CDH20: variants seen among roughly 807,000 people sequenced by gnomAD.
CDH20 encodes cadherin-20.
Under a neutral mutation model 74.2 loss-of-function variants are expected in CDH20, and 29 were observed. The observed-to-expected ratio is 0.39, with a 90% CI of 0.29 to 0.53. The LOEUF (loss-of-function observed/expected upper bound fraction) is 0.53. CDH20 is among the 20% of genes least tolerant of loss of function. CDH20 has a pLI of 0.69. For missense variants in CDH20, 988 were observed against 1,048.3 expected, an observed-to-expected ratio of 0.94 and a Z score of 0.79; for synonymous variants, 469 against 405.4, an observed-to-expected ratio of 1.16 and a Z score of -1.88.
chr18:61,427,273 G>A (rs1178972254), intron 1 of CDH20, among the ~76,000 whole-genome samples: 2 of 152,110 alleles, frequency 1.3e-5, no homozygotes, highest in Non-Finnish European at 2.9e-5. Flanking sequence ...TGTTTTAAAT[G>A]TTTCAACCCA....
chr18:61,517,559 A>T (rs1316012627), intron 6 of CDH20, among the ~76,000 whole-genome samples: 2 of 152,148 alleles, frequency 1.3e-5, no homozygotes, highest in East Asian at 3.9e-4. Flanking sequence ...TCTGGCCCAG[A>T]TATTACGCTT....
chr18:61,528,483 C>T (rs929012143), intron 7 of CDH20, among the ~76,000 whole-genome samples: 3 of 77,598 alleles, frequency 3.9e-5, no homozygotes, highest in African/African-American at 1.5e-4. Context: ...ACACACACAC[C>T]CCTTAGTTCT....
chr18:61,340,428 A>G (rs2144089378), intron 1 of CDH20, among the ~76,000 whole-genome samples: 1 of 152,216 alleles, frequency 6.6e-6, no homozygotes, highest in East Asian at 1.9e-4. Flanking sequence ...GGTTGTGGGC[A>G]AAATAGCATG....
intron 1 of CDH20, among the ~76,000 whole-genome samples, 185 bp downstream of exon 1, chr18:61,334,012 T>C (rs1909662708): frequency 6.6e-6 from 1 of 151,972 alleles, no homozygotes; most frequent in East Asian, 2.0e-4. Flanking sequence ...TCCTCGGACT[T>C]AGTGGGAGAA....
At chr18:61,545,492 C>T (rs1442147210) in intron 10 of CDH20, among the ~76,000 whole-genome samples, 3 of 152,018 alleles carry the variant, frequency 2.0e-5, no homozygotes, top group South Asian at 2.1e-4. Flanking sequence ...GTCAGTAAGT[C>T]GGCAGATGTT....
rs143742182 is a variant in CDH20 at position 61,543,611 on chromosome 18, A to T, written c.1531-1416A>T. ...AGTGAGTCCAAGAGGAAGCCACCTG[A>T]CCTCCTGCTCTCCCCACTCCAGAGT... On this transcript the variant is annotated intron_variant, in intron 9 of 11. Coordinates refer to ENST00000262717, the MANE Select transcript of CDH20 (RefSeq NM_031891.4). 1.3e-3 allele frequency among the ~76,000 whole-genome samples: 192 copies of T among 152,122 alleles called. 2 individuals carry two copies. In the East Asian group the frequency reaches 0.036, roughly 28 times the overall value.
chr18:61,388,159 A>G (rs1354829849), intron 1 of CDH20, among the ~76,000 whole-genome samples: 1 of 152,212 alleles, frequency 6.6e-6, no homozygotes, highest in African/African-American at 2.4e-5. Flanking sequence ...CATGAGGATG[A>G]GTGAGCTAAA....
chr18:61,423,697 C>T lies in CDH20; in HGVS notation c.-152-66705C>T, dbSNP rs555763980. Among the ~76,000 whole-genome samples the T allele has an allele frequency of 2.0e-5, 3 of 152,148 alleles. No individual in the cohort carries two copies. In the South Asian group the frequency reaches 6.2e-4, roughly 32 times the overall value. ...TTCCTGCTTCTCTCCAGCCTTCACC[C>T]CATAAAAAAATTGCTAAATTCAAAG... is the stretch of plus-strand genomic sequence containing the variant. On this transcript the variant is annotated intron_variant, in intron 1 of 11. Coordinates refer to ENST00000262717, the MANE Select transcript of CDH20 (RefSeq NM_031891.4).
At chr18:61,347,539 CAAAA>C (rs944774674) in intron 1 of CDH20, among the ~76,000 whole-genome samples, 35 of 146,244 alleles carry the variant, frequency 2.4e-4, no homozygotes, top group African/African-American at 6.8e-4. Flanking sequence ...AACAAACAAA[CAAAA>C]AAAAAACCAC....
chr18:61,389,417 T>C (rs1911700107), intron 1 of CDH20, among the ~76,000 whole-genome samples: 2 of 152,066 alleles, frequency 1.3e-5, no homozygotes, highest in Admixed American at 1.3e-4. Context: ...TATTACATAC[T>C]GACATGGAAG....
At chr18:61,466,509 C>T (rs1337887601) in intron 1 of CDH20, among the ~76,000 whole-genome samples, 2 of 152,268 alleles carry the variant, frequency 1.3e-5, no homozygotes, top group South Asian at 2.1e-4. Flanking sequence ...CGTCTTGTTA[C>T]GACTTTACCT....
At chr18:61,464,957 A>G (rs1308390939) in intron 1 of CDH20, among the ~76,000 whole-genome samples, 1 of 152,232 alleles carries the variant, frequency 6.6e-6, no homozygotes, top group Non-Finnish European at 1.5e-5. Flanking sequence ...AATCCTCAAC[A>G]GGGTCTGTCA....
At chr18:61,487,834 G>A (rs1314623679) in intron 1 of CDH20, among the ~76,000 whole-genome samples, 1 of 152,120 alleles carries the variant, frequency 6.6e-6, no homozygotes, top group Non-Finnish European at 1.5e-5. Flanking sequence ...CACATGCCTA[G>A]TTAGAAATGG....
intron 2 of CDH20, among the ~76,000 whole-genome samples, chr18:61,495,530 G>A (rs1911106273): frequency 6.6e-6 from 1 of 152,160 alleles, no homozygotes; most frequent in Non-Finnish European, 1.5e-5. Context: ...CAGGAGGAGG[G>A]AGGAGTGACT....
At chr18:61,373,767 C>G (rs1186957927) in intron 1 of CDH20, among the ~76,000 whole-genome samples, 4 of 152,248 alleles carry the variant, frequency 2.6e-5, no homozygotes, top group African/African-American at 7.2e-5. Flanking sequence ...CAACTGAGAC[C>G]CCACCAGATG....
intron 1 of CDH20, among the ~76,000 whole-genome samples, chr18:61,434,232 T>C (rs138605225): frequency 6.6e-6 from 1 of 152,236 alleles, no homozygotes; most frequent in Non-Finnish European, 1.5e-5. Context: ...CCATTTCATC[T>C]ATTAGAAGAA....
intron 1 of CDH20, among the ~76,000 whole-genome samples, chr18:61,426,575 G>T (rs1913078207): frequency 6.6e-6 from 1 of 152,116 alleles, no homozygotes; most frequent in South Asian, 2.1e-4. Flanking sequence ...AGTTAAATCG[G>T]TTCCTTTGCA....
At chr18:61,540,737 T>C (rs1359305635) in intron 9 of CDH20, among the ~76,000 whole-genome samples, 2 of 152,186 alleles carry the variant, frequency 1.3e-5, no homozygotes, top group Non-Finnish European at 2.9e-5. Flanking sequence ...CTGGGAGTAG[T>C]ACCTCCAGCA....
chr18:61,539,090 C>A lies in CDH20; in HGVS notation c.1475C>A (p.Pro492Gln). ...GTCTTAGATGTGAATGACAATGCTCCAGAGTTCCCCAGATTCTATGAAGCT... is the reference window on the plus strand; with the variant it reads ...GTCTTAGATGTGAATGACAATGCTCAAGAGTTCCCCAGATTCTATGAAGCT... ...IKVLDVNDNA[P>Q]EFPRFYEAFV... is the part of the protein sequence containing the mutation. Residue 492 changes from proline (P) to glutamine (Q), a missense_variant, in exon 9 of 12, where the codon CCA becomes CAA. Transcript: ENST00000262717. 6.2e-7 allele frequency: 1 copy of A among 1,614,014 alleles called. No homozygotes were observed. Among genetic ancestry groups the A allele is most frequent in the Non-Finnish European group, 8.5e-7 (1 of 1,179,932 alleles).
Sources: allele counts gnomAD v4.1 joint callset (sites outside exome capture counted in the v4.1 genomes callset), GRCh38; gene constraint gnomAD v4.1.1; transcripts MANE v1.5; gene names NCBI Gene and HGNC (gene_info 2026-07-23, HGNC 2026-07-21).